Variants in TRDN observed in about 807,000 individuals in gnomAD.
The protein encoded by TRDN is triadin.
A neutral mutation model predicts 149.7 loss-of-function variants in TRDN; 161 were observed. The observed-to-expected ratio is 1.08, with a 90% CI of 0.95 to 1.23. The LOEUF (loss-of-function observed/expected upper bound fraction) is 1.23, where lower values mean the gene tolerates loss of function less well. Ranked by LOEUF, TRDN falls within the 50% of genes most tolerant of loss-of-function variation. TRDN has a pLI of 0.00. For missense variants in TRDN, 896 were observed against 823.5 expected (o/e 1.09, Z -1.08); for synonymous variants, 294 against 250.5 (o/e 1.17, Z -1.64).
At chr6:123,494,208 T>TA (rs1562345450) in intron 9 of TRDN, among the ~76,000 whole-genome samples, 1 of 152,174 alleles carries the variant, frequency 6.6e-6, no homozygotes, top group African/African-American at 2.4e-5. Flanking sequence ...GAATACTCTA[T>TA]AATGTTGTAG....
chr6:123,548,746 G>C (rs893011884), intron 2 of TRDN, 134 bp from the exon 3 acceptor site: 2 of 813,448 alleles, frequency 2.5e-6, no homozygotes, highest in African/African-American at 3.6e-5. Context: ...ATATCTCCTG[G>C]CTACAATTTT....
intron 13 of TRDN, among the ~76,000 whole-genome samples, chr6:123,390,005 AT>A (rs1782047622): frequency 6.6e-6 from 1 of 152,110 alleles, no homozygotes; most frequent in Non-Finnish European, 1.5e-5. Flanking sequence ...CCTTCAAAAA[AT>A]TTTACAATTT....
chr6:123,434,796 T>G (rs9490750), intron 12 of TRDN, among the ~76,000 whole-genome samples: 22,087 of 152,016 alleles, frequency 0.15, 2,211 homozygotes, highest in African/African-American at 0.29. Context: ...ATGTTTTTAA[T>G]TGGCAGGTAT....
At chr6:123,461,758 G>A (rs1583073208) in intron 10 of TRDN, among the ~76,000 whole-genome samples, 1 of 152,222 alleles carries the variant, frequency 6.6e-6, no homozygotes, top group African/African-American at 2.4e-5. Flanking sequence ...GGTTAGCAGA[G>A]ATGCTGAAAA....
chr6:123,626,495 G>T (rs914181625), intron 1 of TRDN, among the ~76,000 whole-genome samples: 2 of 152,044 alleles, frequency 1.3e-5, no homozygotes, highest in Admixed American at 1.3e-4. Flanking sequence ...CAACAAAAAA[G>T]TCACTCTTCA....
chr6:123,457,456 CAAA>C, intron 10 of TRDN: 1 of 339,630 alleles, frequency 2.9e-6, no homozygotes, highest in Admixed American at 4.0e-5. Context: ...ACCAATATAA[CAAA>C]AGAAGAAAGT....
intron 16 of TRDN, among the ~76,000 whole-genome samples, 197 bp from the exon 17 acceptor site, chr6:123,378,095 T>G (rs1427165126): frequency 6.6e-6 from 1 of 152,214 alleles, no homozygotes; most frequent in East Asian, 1.9e-4. Context: ...AGTTTCCTTA[T>G]GGGGCAGCAT....
intron 9 of TRDN, among the ~76,000 whole-genome samples, chr6:123,484,156 G>T (rs1448488910): frequency 1.3e-5 from 2 of 151,836 alleles, no homozygotes; most frequent in Non-Finnish European, 2.9e-5. Flanking sequence ...GAAAAAAAAA[G>T]CTATAGAAAA....
chr6:123,528,971 T>G (rs1780081695), intron 5 of TRDN: 1 of 1,240,192 alleles, frequency 8.1e-7, no homozygotes, highest in Non-Finnish European at 1.0e-6. Context: ...GAAATTTATT[T>G]TAGACTTCAG....
At chr6:123,384,697 G>A (rs984916596) in intron 14 of TRDN, among the ~76,000 whole-genome samples, 2 of 152,038 alleles carry the variant, frequency 1.3e-5, no homozygotes, top group South Asian at 2.1e-4. Flanking sequence ...AATAAAACAC[G>A]ATATGAAGTC....
At chr6:123,515,088 A>T (rs1779355954) in intron 6 of TRDN, among the ~76,000 whole-genome samples, 2 of 151,948 alleles carry the variant, frequency 1.3e-5, no homozygotes, top group South Asian at 2.1e-4. Context: ...AGTAAAATTT[A>T]AAAAAAAGAA....
chr6:123,437,946 C>G, intron 12 of TRDN, 117 bp downstream of exon 12: 2 of 878,830 alleles, frequency 2.3e-6, no homozygotes, highest in Non-Finnish European at 3.5e-6. Context: ...CTTTGACCTT[C>G]ACGTCTTGGG....
In TRDN at chr6:123,233,226, G is replaced by A. The variant is rs188457553; in HGVS notation, c.1976-9095C>T. ...TCTTAAAAACCCACGGTAGTTCAAAGCAACATTTGACAGCCAGTTTATTTT... is the reference window on the plus strand; with the variant it reads ...TCTTAAAAACCCACGGTAGTTCAAAACAACATTTGACAGCCAGTTTATTTT... On this transcript the variant is annotated intron_variant, in intron 38 of 40. Transcript: ENST00000334268. 4.0e-3 allele frequency among the ~76,000 whole-genome samples: 602 copies of A among 152,138 alleles called. 6 individuals carry two copies. The highest frequency in any genetic ancestry group is 0.014 in the African/African-American group (583 of 41,528).
chr6:123,616,788 A>G (rs1785110007), intron 1 of TRDN, among the ~76,000 whole-genome samples: 2 of 152,186 alleles, frequency 1.3e-5, no homozygotes, highest in African/African-American at 4.8e-5. Context: ...TTATTTTTAC[A>G]ACAAATTCAG....
chr6:123,498,539 G>A (rs1360087020), intron 8 of TRDN: 1 of 470,906 alleles, frequency 2.1e-6, no homozygotes, highest in Admixed American at 2.3e-5. Context: ...CACAGGAGAG[G>A]TAGGGAATGG....
intron 21 of TRDN, among the ~76,000 whole-genome samples, chr6:123,339,125 C>T (rs1779976829): frequency 6.6e-6 from 1 of 151,988 alleles, no homozygotes; most frequent in Admixed American, 6.6e-5. Context: ...CTGCCTCAGC[C>T]TCCCAAGTAG....
chr6:123,521,843 C>G lies in TRDN; in HGVS notation c.485-5637G>C, dbSNP rs1034069595. 3.3e-5 allele frequency among the ~76,000 whole-genome samples: 5 copies of G among 152,128 alleles called. 1 individual carries two copies. The highest frequency in any genetic ancestry group is 3.3e-4 in the Admixed American group (5 of 15,244). On this transcript the variant is annotated intron_variant, in intron 5 of 40. Coordinates refer to ENST00000334268, the MANE Select transcript of TRDN (RefSeq NM_006073.4). Reference sequence around the variant, plus strand: ...GAGGTTGCCAAACCCCAAACTACATCTCTCCTCGAGGACATCTCTGTGAAG... The same window carrying G: ...GAGGTTGCCAAACCCCAAACTACATGTCTCCTCGAGGACATCTCTGTGAAG...
rs143978653 is a variant in TRDN, at chr6:123,221,041, C to T, written c.2050+446G>A. Among the ~76,000 whole-genome samples, 962 of 151,886 alleles carry T rather than the reference C, an allele frequency of 6.3e-3. 6 individuals carry two copies. Among genetic ancestry groups the T allele is most frequent in the African/African-American group, 0.022 (906 of 41,512 alleles). On this transcript the variant is annotated intron_variant, in intron 40 of 40. Coordinates refer to ENST00000334268, the MANE Select transcript of TRDN (RefSeq NM_006073.4). The stretch of plus-strand genomic sequence containing the variant: ...GTTTGAATATTTAGAACCTACCATA[C>T]ATCTAGCAAAATCAAAAAGAATCTT...
At chr6:123,631,424 T>A (rs73773204) in intron 1 of TRDN, among the ~76,000 whole-genome samples, 30 of 151,936 alleles carry the variant, frequency 2.0e-4, no homozygotes, top group African/African-American at 7.0e-4. Flanking sequence ...CTCTAATTAA[T>A]GTTACCAATA....
Sources: allele counts gnomAD v4.1 joint callset (sites outside exome capture counted in the v4.1 genomes callset), GRCh38; gene constraint gnomAD v4.1.1; transcripts MANE v1.5; gene names NCBI Gene and HGNC (gene_info 2026-07-23, HGNC 2026-07-21).